RSRC1: variants seen among roughly 807,000 people sequenced by gnomAD.
RSRC1 encodes arginine and serine rich coiled-coil 1.
Under a neutral mutation model 49.1 loss-of-function variants are expected in RSRC1, and 39 were observed. That is an observed-to-expected ratio of 0.79 (90% CI 0.61 to 1.04). The LOEUF is 1.04. Ranked by LOEUF, RSRC1 falls within the 50% of genes least tolerant of loss-of-function variation. The pLI is 0.00. For synonymous variants in RSRC1, 143 were observed against 130.8 expected (o/e 1.09, Z -0.63); for missense variants, 388 against 402.4 (o/e 0.96, Z 0.31).
At position 158,482,538 on chromosome 3, in the gene RSRC1, G is replaced by T. The variant is rs372376771; in HGVS notation, c.652+21535G>T. Among the ~76,000 whole-genome samples the T allele has an allele frequency of 2.0e-5, 3 of 152,004 alleles. No individual in the cohort carries two copies. The South Asian group carries it at 6.2e-4, about 31-fold the overall frequency. On this transcript the variant is annotated intron_variant, in intron 7 of 9. Transcript: ENST00000611884. The stretch of plus-strand genomic sequence containing the variant: ...CTGTTTCATTGTAGTCCTGCCTAAA[G>T]GCAGGAGAATGGACAAGAAGACTTC...
At chr3:158,331,749 A>G (rs1729558950) in intron 5 of RSRC1, among the ~76,000 whole-genome samples, 1 of 151,662 alleles carries the variant, frequency 6.6e-6, no homozygotes, top group Admixed American at 6.6e-5. Context: ...CTCATGGCCT[A>G]ACAAATAAAA....
intron 8 of RSRC1, among the ~76,000 whole-genome samples, chr3:158,537,519 T>C (rs529528361): frequency 6.6e-6 from 1 of 151,776 alleles, no homozygotes; most frequent in South Asian, 2.1e-4. Context: ...TCTTTTCAAA[T>C]GTGTACATCT....
chr3:158,503,825 C>T lies in RSRC1; in HGVS notation c.653-33267C>T, dbSNP rs752229333. Among the ~76,000 whole-genome samples the T allele has an allele frequency of 7.0e-4, 107 of 152,252 alleles. 1 individual carries two copies. The highest frequency in any genetic ancestry group is 3.9e-4 in the Admixed American group (6 of 15,298). ...AGACTACCCGTCTCCCAGAAAAGGG[C>T]TTGGTTCTTCCCCCACCTGTGGAGT... On this transcript the variant is annotated intron_variant, in intron 7 of 9. Coordinates refer to ENST00000611884, the MANE Select transcript of RSRC1 (RefSeq NM_001271838.2).
At chr3:158,324,327 C>T (rs1210342918) in intron 5 of RSRC1, among the ~76,000 whole-genome samples, 2 of 152,028 alleles carry the variant, frequency 1.3e-5, no homozygotes, top group African/African-American at 4.8e-5. Context: ...TGGTGTGCTG[C>T]ACCCATTAAC....
chr3:158,282,404 GAATA>G lies in RSRC1; in HGVS notation c.495-15632_495-15629del, dbSNP rs551700506. On this transcript the variant is annotated intron_variant, in intron 4 of 9. Coordinates refer to ENST00000611884, the MANE Select transcript of RSRC1 (RefSeq NM_001271838.2). ...GAAGGAGTCATGTAACTTAGCCAAT[GAATA>G]AAGCCTACTAACTGCTCAGCACTGT... Among the ~76,000 whole-genome samples, 246 of 152,306 alleles carry G rather than the reference GAATA, an allele frequency of 1.6e-3. 1 individual carries two copies. The highest frequency in any genetic ancestry group is 0.013 in the Admixed American group (202 of 15,298).
At chr3:158,513,285 G>A (rs1198346577) in intron 7 of RSRC1, among the ~76,000 whole-genome samples, 7 of 151,356 alleles carry the variant, frequency 4.6e-5, no homozygotes, top group Non-Finnish European at 1.0e-4. Context: ...TTTGAAATAC[G>A]TCCCATCAAT....
chr3:158,359,070 A>G (rs1478185318), intron 6 of RSRC1, among the ~76,000 whole-genome samples: 1 of 152,100 alleles, frequency 6.6e-6, no homozygotes, highest in Non-Finnish European at 1.5e-5. Context: ...TTTTAGGTGT[A>G]TACCTAGGAG....
At chr3:158,240,140 A>T (rs1330258278) in intron 4 of RSRC1, among the ~76,000 whole-genome samples, 1 of 152,080 alleles carries the variant, frequency 6.6e-6, no homozygotes, top group East Asian at 1.9e-4. Context: ...AATATCTTGA[A>T]TGTATTTTGT....
chr3:158,238,288 T>C (rs1022508286), intron 4 of RSRC1, among the ~76,000 whole-genome samples: 3 of 152,196 alleles, frequency 2.0e-5, no homozygotes, highest in African/African-American at 7.2e-5. Flanking sequence ...ATGGCCACAC[T>C]GCCCAAGGTA....
intron 5 of RSRC1, among the ~76,000 whole-genome samples, chr3:158,334,142 A>G (rs1729724117): frequency 6.6e-6 from 1 of 152,210 alleles, no homozygotes; most frequent in Admixed American, 6.5e-5. Flanking sequence ...GATGCTAAAT[A>G]AAAGAAGATA....
At chr3:158,274,430 C>T (rs1419015674) in intron 4 of RSRC1, among the ~76,000 whole-genome samples, 1 of 151,400 alleles carries the variant, frequency 6.6e-6, no homozygotes, top group South Asian at 2.1e-4. Context: ...AACCTCTACA[C>T]AATCAAAATG....
At chr3:158,398,448 G>C (rs1244283503) in intron 6 of RSRC1, among the ~76,000 whole-genome samples, 3 of 152,058 alleles carry the variant, frequency 2.0e-5, no homozygotes, top group Admixed American at 2.0e-4. Flanking sequence ...CCGTAGAAGG[G>C]GTTGAAGGGG....
At chr3:158,430,811 A>G (rs1294455800) in intron 6 of RSRC1, among the ~76,000 whole-genome samples, 2 of 151,932 alleles carry the variant, frequency 1.3e-5, no homozygotes, top group Non-Finnish European at 1.5e-5. Context: ...CTTAACCAAT[A>G]TTTTTTGAAT....
At chr3:158,188,391 T>G (rs1203641881) in intron 3 of RSRC1, among the ~76,000 whole-genome samples, 1 of 151,948 alleles carries the variant, frequency 6.6e-6, no homozygotes, top group Non-Finnish European at 1.5e-5. Context: ...TTTGATACAG[T>G]GCTTTGCAAA....
chr3:158,135,732 T>C (rs1176610622), intron 3 of RSRC1, among the ~76,000 whole-genome samples: 1 of 152,202 alleles, frequency 6.6e-6, no homozygotes, highest in Non-Finnish European at 1.5e-5. Flanking sequence ...TGACAAGGCT[T>C]TAAGTCCCTT....
intron 8 of RSRC1, 83 bp downstream of exon 8, chr3:158,537,281 G>A (rs1313516387): frequency 1.3e-6 from 1 of 785,792 alleles, no homozygotes; most frequent in Non-Finnish European, 2.0e-6. Context: ...ACTTAAATGT[G>A]TTTCTTCTAA....
intron 4 of RSRC1, among the ~76,000 whole-genome samples, chr3:158,236,062 G>A (rs1723224704): frequency 6.6e-6 from 1 of 151,896 alleles, no homozygotes; most frequent in Non-Finnish European, 1.5e-5. Flanking sequence ...GTTGCAGTGA[G>A]CTGAGATTGT....
intron 4 of RSRC1, among the ~76,000 whole-genome samples, chr3:158,286,368 T>C (rs899448738): frequency 6.6e-6 from 1 of 152,198 alleles, no homozygotes; most frequent in Admixed American, 6.5e-5. Context: ...ATAAAATAGG[T>C]ATAATAATTA....
At chr3:158,447,736 A>G (rs1342837891) in intron 6 of RSRC1, among the ~76,000 whole-genome samples, 1 of 151,968 alleles carries the variant, frequency 6.6e-6, no homozygotes, top group Non-Finnish European at 1.5e-5. Context: ...AAGAAAACAC[A>G]TGATATAAAT....
Sources: gnomAD v4.1 joint callset for allele counts (sites outside exome capture counted in the v4.1 genomes callset) on GRCh38, gnomAD v4.1.1 for gene constraint, MANE v1.5 for transcripts, NCBI Gene and HGNC (gene_info 2026-07-23, HGNC 2026-07-21) for gene names.